The following SRSF3 variants were observed in gnomAD, a reference collection of about 807,000 sequenced individuals.
The protein encoded by SRSF3 is serine and arginine rich splicing factor 3, also known as serine/arginine-rich splicing factor 3.
For synonymous variants in SRSF3, 87 were observed against 73.6 expected, an observed-to-expected ratio of 1.18 and a Z score of -0.93; for missense variants, 58 against 217.1, an observed-to-expected ratio of 0.27 and a Z score of 4.61.
rs960573019 is a variant in SRSF3 at position 36,602,737 on chromosome 6, T to G, written c.*748T>G. 9.5e-6 allele frequency: 2 copies of G among 211,434 alleles called. No homozygotes were observed. Among genetic ancestry groups the G allele is most frequent in the African/African-American group, 4.5e-5 (2 of 44,136 alleles). The allele number at this position is 211,434 out of a possible 1,614,324, so 13.1% of individuals were successfully genotyped here. Reference sequence around the variant, plus strand: ...TTCATGCTGTCATTTGTAATATGTTTTGTGAGAATCCTTGGGATTAAAGTT... The same window carrying G: ...TTCATGCTGTCATTTGTAATATGTTGTGTGAGAATCCTTGGGATTAAAGTT... On this transcript the variant is annotated 3_prime_UTR_variant, in exon 6 of 6. Coordinates refer to ENST00000373715, the MANE Select transcript of SRSF3 (RefSeq NM_003017.5).
chr6:36,598,187 A>G (rs1778663214), intron 2 of SRSF3, among the ~76,000 whole-genome samples: 1 of 152,146 alleles, frequency 6.6e-6, no homozygotes, highest in Non-Finnish European at 1.5e-5. Context: ...GATACAGGAG[A>G]ACTTGTTTTT....
Position 36,603,574 on chromosome 6 carries a change from T to C in SRSF3, c.*1585T>C, listed in dbSNP as rs1018261014. The C allele has an allele frequency of 2.6e-5, 6 of 227,646 alleles. No homozygotes were observed. The highest frequency in any genetic ancestry group is 5.2e-5 in the Non-Finnish European group (6 of 114,846). 14.1% of individuals were successfully genotyped at this position (227,646 alleles called of 1,614,324 possible). A position where few individuals can be genotyped will look rare whatever the true frequency, so the allele number is the denominator to read the frequency against. On this transcript the variant is annotated 3_prime_UTR_variant, in exon 6 of 6. Transcript: ENST00000373715. ...TAAGATACAGTTCCTAAACAAATTA[T>C]TTATTTCCACCTTTTACACAAATCT...
In SRSF3 at chr6:36,602,946, C is replaced by T. The variant is rs903597718; in HGVS notation, c.*957C>T. ...GTATAGTCAGTTGAACCCACTGTTA[C>T]CATTGTTCTTATCCCATGGGAAGCA... On this transcript the variant is annotated 3_prime_UTR_variant, in exon 6 of 6. Transcript: ENST00000373715. 4.6e-6 allele frequency: 1 copy of T among 215,454 alleles called. No individual in the cohort carries two copies. The highest frequency in any genetic ancestry group is 9.4e-6 in the Non-Finnish European group (1 of 106,864). 13.3% of individuals were successfully genotyped at this position (215,454 alleles called of 1,614,324 possible). A position where few individuals can be genotyped will look rare whatever the true frequency, so the allele number is the denominator to read the frequency against.
At chr6:36,594,513 G>C (rs1026265611) in intron 1 of SRSF3, 32 bp downstream of exon 1, 3 of 152,332 alleles carry the variant, frequency 2.0e-5, no homozygotes, top group African/African-American at 7.2e-5. Flanking sequence ...GAATGAGGTG[G>C]AAATGGAATT....
intron 1 of SRSF3, among the ~76,000 whole-genome samples, 181 bp from the exon 2 acceptor site, chr6:36,596,580 G>C (rs1305400016): frequency 6.2e-5 from 9 of 144,086 alleles, no homozygotes; most frequent in African/African-American, 1.6e-4. Flanking sequence ...GTGGCGGGGG[G>C]GGGGAAATGG....
intron 2 of SRSF3, among the ~76,000 whole-genome samples, chr6:36,597,501 T>C (rs995105707): frequency 5.3e-5 from 8 of 151,970 alleles, no homozygotes; most frequent in Non-Finnish European, 7.4e-5. Context: ...TTTACTTTTA[T>C]GTGTTTGAAA....
rs564492161 is a variant in SRSF3, at chr6:36,603,768, A to G, written c.*1779A>G. 3 of 231,462 alleles carry G rather than the reference A, an allele frequency of 1.3e-5. No individual in the cohort carries two copies. The South Asian group carries it at 5.4e-4, about 42-fold the overall frequency. The allele number at this position is 231,462 out of a possible 1,614,324, so 14.3% of individuals were successfully genotyped here. ...CTGTTAGGAACAAGCCAAGATAGCTAAGAAGTTACGGAAGCCATGCAATAT... is the reference window on the plus strand; with the variant it reads ...CTGTTAGGAACAAGCCAAGATAGCTGAGAAGTTACGGAAGCCATGCAATAT... On this transcript the variant is annotated 3_prime_UTR_variant, in exon 6 of 6. Coordinates refer to ENST00000373715, the MANE Select transcript of SRSF3 (RefSeq NM_003017.5).
At chr6:36,595,069 C>T (rs960731099) in intron 1 of SRSF3, among the ~76,000 whole-genome samples, 2 of 152,202 alleles carry the variant, frequency 1.3e-5, no homozygotes, top group African/African-American at 4.8e-5. Context: ...GGTCTTAGAA[C>T]TTACTCCTGG....
At position 36,598,855 on chromosome 6, in the gene SRSF3, A is replaced by G. The variant is rs374595646; in HGVS notation, c.213A>G (p.Leu71=). 1.6e-4 allele frequency: 251 copies of G among 1,612,962 alleles called. No homozygotes were observed. Among genetic ancestry groups the G allele is most frequent in the South Asian group, 2.9e-4 (26 of 91,024 alleles). The change falls in exon 3 of 6, where the codon CTA becomes CTG. Residue 71 remains leucine, a synonymous_variant. Coordinates refer to ENST00000373715, the MANE Select transcript of SRSF3 (RefSeq NM_003017.5). ...DAVRELDGRT[L]CGCRVRVELS... is the part of the protein sequence containing the mutation. ...AATATCTTTGCCCCCTCAGAACACT[A>G]TGTGGCTGCCGTGTAAGAGTGGAAC...
chr6:36,605,452 T>G lies in SRSF3; in HGVS notation c.*3463T>G, dbSNP rs1202705014. On this transcript the variant is annotated 3_prime_UTR_variant, in exon 6 of 6. Transcript: ENST00000373715. ...TTGCCATGAGCCGAGATGTAGCCAC[T>G]TCACTCCAGCCTGAGTGAAAGCAAA... 6.6e-6 allele frequency: 1 copy of G among 151,814 alleles called. No individual in the cohort carries two copies. Among genetic ancestry groups the G allele is most frequent in the African/African-American group, 2.4e-5 (1 of 41,266 alleles). The allele number at this position is 151,814 out of a possible 1,614,324, so 9.4% of individuals were successfully genotyped here. A position where few individuals can be genotyped will look rare whatever the true frequency, so the allele number is the denominator to read the frequency against.
chr6:36,604,141 A>G lies in SRSF3; in HGVS notation c.*2152A>G, dbSNP rs1778773325. Reference sequence around the variant, plus strand: ...TTAAAGTTGTAATTCCTAAAATAACAGGTCACACTAACCGGTCTTGTCCAT... The same window carrying G: ...TTAAAGTTGTAATTCCTAAAATAACGGGTCACACTAACCGGTCTTGTCCAT... On this transcript the variant is annotated 3_prime_UTR_variant, in exon 6 of 6. Transcript: ENST00000373715. 4.5e-6 allele frequency: 1 copy of G among 222,720 alleles called. No individual in the cohort carries two copies. The highest frequency in any genetic ancestry group is 5.7e-5 in the Admixed American group (1 of 17,422). 13.8% of individuals were successfully genotyped at this position (222,720 alleles called of 1,614,324 possible).
In SRSF3 at chr6:36,596,574, C is replaced by CGG. The variant is rs34650091; in HGVS notation, c.-2-178_-2-177dup. On this transcript the variant is annotated intron_variant, in intron 1 of 5. Transcript: ENST00000373715. ...GAGTAAAGATAATGGGGCGGGGTGG[C>CGG]GGGGGGGGGGAAATGGGTGCTTAGC... Among the ~76,000 whole-genome samples, 613 of 91,914 alleles carry CGG rather than the reference C, an allele frequency of 6.7e-3. 13 individuals are homozygous for CGG. Among genetic ancestry groups the CGG allele is most frequent in the African/African-American group, 0.02 (403 of 20,542 alleles). 60.3% of individuals were successfully genotyped at this position (91,914 alleles called of 152,430 possible).
Position 36,596,870 on chromosome 6 carries a change from C to G in SRSF3, c.108C>G (p.Leu36=), listed in dbSNP as rs1376963925. Reference sequence around the variant, plus strand: ...GGGCTTTTGGCTACTATGGACCACTCCGAAGTGTGTGGGTTGCTAGAAACC... The same window carrying G: ...GGGCTTTTGGCTACTATGGACCACTGCGAAGTGTGTGGGTTGCTAGAAACC... ...LERAFGYYGP[L]RSVWVARNPP... Residue 36 remains leucine, a synonymous_variant, in exon 2 of 6, where the codon CTC becomes CTG. Coordinates refer to ENST00000373715, the MANE Select transcript of SRSF3 (RefSeq NM_003017.5). 1 of 1,614,034 alleles carries G rather than the reference C, an allele frequency of 6.2e-7. No homozygotes were observed. The highest frequency in any genetic ancestry group is 8.5e-7 in the Non-Finnish European group (1 of 1,180,006).
Position 36,601,690 on chromosome 6 carries a change from GT to G in SRSF3, c.381-11del, listed in dbSNP as rs778104958. Reference sequence around the variant, plus strand: ...TTTATCATACCTCATTGGTCCTAATGTTTTTTTGCTTGTTTAGGTCCCTTTC... The same window carrying G: ...TTTATCATACCTCATTGGTCCTAATGTTTTTTGCTTGTTTAGGTCCCTTTC... On this transcript the variant is annotated splice_polypyrimidine_tract_variant and intron_variant, in intron 4 of 5. Transcript: ENST00000373715. 5 of 1,581,486 alleles carry G rather than the reference GT, an allele frequency of 3.2e-6. No individual in the cohort carries two copies. The highest frequency in any genetic ancestry group is 1.3e-5 in the African/African-American group (1 of 74,254).
chr6:36,597,186 A>G, intron 2 of SRSF3: 2 of 559,656 alleles, frequency 3.6e-6, no homozygotes, highest in Non-Finnish European at 6.3e-6. Context: ...GCTCCCCGCA[A>G]CCTCGGCCTC....
intron 1 of SRSF3, 109 bp from the exon 2 acceptor site, chr6:36,596,652 G>A (rs894944854): frequency 4.2e-5 from 38 of 899,432 alleles, no homozygotes; most frequent in East Asian, 6.3e-5. Context: ...TTTTCTTTAC[G>A]TGCTACCTTA....
At chr6:36,596,317 G>C (rs1778626198) in intron 1 of SRSF3, among the ~76,000 whole-genome samples, 1 of 152,082 alleles carries the variant, frequency 6.6e-6, no homozygotes, top group Non-Finnish European at 1.5e-5. Context: ...CGCTTGCCTG[G>C]TAGTATAACC....
rs1778794960 is a variant in SRSF3, at chr6:36,605,566, A to C, written c.*3577A>C. On this transcript the variant is annotated 3_prime_UTR_variant, in exon 6 of 6. Coordinates refer to ENST00000373715, the MANE Select transcript of SRSF3 (RefSeq NM_003017.5). ...GTCCATGCAACTTTCCCCTTGTTGG[A>C]CTCTGTACTTAATAATACAGTATTT... 6.6e-6 allele frequency: 1 copy of C among 151,776 alleles called. No homozygotes were observed. The highest frequency in any genetic ancestry group is 6.6e-5 in the Admixed American group (1 of 15,238). The allele number at this position is 151,776 out of a possible 1,614,324, so 9.4% of individuals were successfully genotyped here. A position where few individuals can be genotyped will look rare whatever the true frequency, so the allele number is the denominator to read the frequency against.
intron 4 of SRSF3, 84 bp from the exon 5 acceptor site, chr6:36,601,624 A>G (rs1397986543): frequency 1.5e-5 from 19 of 1,285,986 alleles, no homozygotes; most frequent in Admixed American, 3.8e-5. Flanking sequence ...AATTATTGGC[A>G]TGAGTCACCA....
Sources: gnomAD v4.1 joint callset for allele counts (sites outside exome capture counted in the v4.1 genomes callset) on GRCh38, gnomAD v4.1.1 for gene constraint, MANE v1.5 for transcripts, NCBI Gene and HGNC (gene_info 2026-07-23, HGNC 2026-07-21) for gene names.